GRID1: variants seen among roughly 807,000 people sequenced by gnomAD.
GRID1 encodes glutamate receptor ionotropic, delta-1.
In GRID1, 28 loss-of-function variants were observed where a neutral mutation model predicts 98.0. That is an observed-to-expected ratio of 0.29 (90% confidence interval 0.21 to 0.39). The LOEUF is 0.39. GRID1 is among the 10% of genes least tolerant of loss of function. The pLI, the probability that GRID1 is intolerant of heterozygous loss-of-function variation, is 1.00. For missense variants in GRID1, 1,111 were observed against 1,340.5 expected (o/e 0.83, Z 2.67); for synonymous variants, 553 against 538.5 (o/e 1.03, Z -0.37).
chr10:85,650,952 TG>T (rs1843260339), intron 12 of GRID1, among the ~76,000 whole-genome samples: 1 of 152,164 alleles, frequency 6.6e-6, no homozygotes, highest in African/African-American at 2.4e-5. Context: ...TCTCAAAGTG[TG>T]ATCCTCAGAG....
intron 8 of GRID1, among the ~76,000 whole-genome samples, chr10:85,765,682 T>C (rs926252633): frequency 9.2e-5 from 14 of 152,248 alleles, no homozygotes; most frequent in African/African-American, 3.1e-4. Flanking sequence ...AGATATCACA[T>C]TATTTATATG....
intron 5 of GRID1, among the ~76,000 whole-genome samples, chr10:85,877,299 T>G (rs922920906): frequency 2.6e-5 from 4 of 152,228 alleles, no homozygotes; most frequent in African/African-American, 7.2e-5. Context: ...ACGGGCAGAC[T>G]GCCTCCTCAA....
At chr10:85,642,752 C>A (rs1430933541) in intron 13 of GRID1, among the ~76,000 whole-genome samples, 1 of 152,162 alleles carries the variant, frequency 6.6e-6, no homozygotes, top group Non-Finnish European at 1.5e-5. Context: ...CATGGTAAAT[C>A]CTTTATTTGC....
intron 8 of GRID1, among the ~76,000 whole-genome samples, chr10:85,817,197 A>G (rs1351220184): frequency 6.6e-6 from 1 of 152,140 alleles, no homozygotes; most frequent in Non-Finnish European, 1.5e-5. Flanking sequence ...AGAATGATTT[A>G]TATTCCTCTG....
intron 4 of GRID1, among the ~76,000 whole-genome samples, chr10:86,083,469 G>A (rs376914227): frequency 4.0e-4 from 61 of 152,314 alleles, no homozygotes; most frequent in African/African-American, 1.2e-3. Context: ...AGTGAATTTC[G>A]CTCCTCGCTG....
chr10:85,980,052 C>G (rs1842525337), intron 4 of GRID1, among the ~76,000 whole-genome samples: 1 of 152,240 alleles, frequency 6.6e-6, no homozygotes, highest in Admixed American at 6.5e-5. Flanking sequence ...GGGGAGAGAG[C>G]AAAGCCATTC....
intron 2 of GRID1, among the ~76,000 whole-genome samples, chr10:86,349,095 G>C (rs1399210869): frequency 6.6e-6 from 1 of 152,156 alleles, no homozygotes; most frequent in Admixed American, 6.5e-5. Flanking sequence ...GGAGCTGGTG[G>C]GCAATACCTC....
chr10:85,635,075 A>G (rs1317362136), intron 13 of GRID1, among the ~76,000 whole-genome samples: 1 of 151,374 alleles, frequency 6.6e-6, no homozygotes, highest in Non-Finnish European at 1.5e-5. Flanking sequence ...ACTTCCTCTA[A>G]TAAGAAGTTT....
chr10:86,167,911 G>A (rs1284484977), intron 3 of GRID1, among the ~76,000 whole-genome samples: 1 of 152,156 alleles, frequency 6.6e-6, no homozygotes, highest in Admixed American at 6.5e-5. Context: ...GTGACCGAGG[G>A]AGGCACCAGG....
intron 2 of GRID1, among the ~76,000 whole-genome samples, chr10:86,248,665 T>C (rs1174480481): frequency 1.4e-5 from 2 of 147,470 alleles, no homozygotes; most frequent in African/African-American, 5.1e-5. Context: ...CTCCACCACC[T>C]GGGCTCAAGC....
chr10:85,630,197 C>T (rs1213705459), intron 13 of GRID1, among the ~76,000 whole-genome samples: 9 of 152,164 alleles, frequency 5.9e-5, no homozygotes, highest in East Asian at 1.9e-4. Flanking sequence ...ACAGACAGCA[C>T]GGCATGGTAT....
At chr10:86,168,322 G>T (rs1845431101) in intron 3 of GRID1, among the ~76,000 whole-genome samples, 2 of 152,232 alleles carry the variant, frequency 1.3e-5, no homozygotes, top group African/African-American at 4.8e-5. Context: ...ACCAGGCTGT[G>T]TGTGGAGCCG....
At chr10:85,769,088 T>TA (rs918800310) in intron 8 of GRID1, among the ~76,000 whole-genome samples, 12 of 151,898 alleles carry the variant, frequency 7.9e-5, no homozygotes, top group Admixed American at 7.2e-4. Context: ...AATGTACCTG[T>TA]AAAAAAAAGA....
chr10:86,252,939 T>C (rs1039152119), intron 2 of GRID1, among the ~76,000 whole-genome samples: 3 of 152,258 alleles, frequency 2.0e-5, no homozygotes, highest in African/African-American at 7.2e-5. Context: ...ATTTGTAATA[T>C]GTTTACTGAC....
intron 4 of GRID1, among the ~76,000 whole-genome samples, chr10:86,017,282 C>T (rs1163237247): frequency 6.6e-6 from 1 of 152,176 alleles, no homozygotes; most frequent in Non-Finnish European, 1.5e-5. Context: ...CATGTATAAC[C>T]TGTCCTTATT....
rs74729078 is a variant in GRID1, at chr10:86,154,447, A to G, written c.521-15423T>C. 1.0e-2 allele frequency among the ~76,000 whole-genome samples: 1,520 copies of G among 152,188 alleles called. 8 individuals are homozygous for G. The highest frequency in any genetic ancestry group is 0.015 in the Non-Finnish European group (1,049 of 67,994). The stretch of plus-strand genomic sequence containing the variant: ...TCTGCCACCTCCAGGAGAGTGATAC[A>G]ACAGAATGTCGAGCCCCAAGGGCCA... On this transcript the variant is annotated intron_variant, in intron 3 of 15. Transcript: ENST00000327946.
chr10:86,193,874 C>T (rs1170446893), intron 3 of GRID1, among the ~76,000 whole-genome samples: 1 of 152,004 alleles, frequency 6.6e-6, no homozygotes, highest in East Asian at 1.9e-4. Flanking sequence ...CCCACTACCG[C>T]TCACTCCCAC....
intron 12 of GRID1, among the ~76,000 whole-genome samples, chr10:85,693,257 G>A (rs1224118882): frequency 6.6e-6 from 1 of 152,132 alleles, no homozygotes; most frequent in Non-Finnish European, 1.5e-5. Flanking sequence ...GGAGCAAGTG[G>A]ATATTTAGAA....
chr10:86,145,542 C>CCACATACACACACACA (rs538225180), intron 3 of GRID1, among the ~76,000 whole-genome samples: 15,449 of 148,250 alleles, frequency 0.1, 1,053 homozygotes, highest in Middle Eastern at 0.2. Context: ...TGGACATCCT[C>CCACATACACACACACA]CACATACACA....
Sources: gnomAD v4.1 joint callset for allele counts (sites outside exome capture counted in the v4.1 genomes callset) on GRCh38, gnomAD v4.1.1 for gene constraint, MANE v1.5 for transcripts, NCBI Gene and HGNC (gene_info 2026-07-23, HGNC 2026-07-21) for gene names.